The following SNTG1 variants were observed in gnomAD, a reference collection of about 807,000 sequenced individuals.
SNTG1 encodes gamma-1-syntrophin.
Under a neutral mutation model 74.7 loss-of-function variants are expected in SNTG1, and 39 were observed. The observed-to-expected ratio is 0.52, with a 90% CI of 0.40 to 0.68. The LOEUF (loss-of-function observed/expected upper bound fraction) is 0.68, where lower values mean the gene tolerates loss of function less well. Ranked by LOEUF, SNTG1 falls within the 30% of genes least tolerant of loss-of-function variation. The pLI, the probability that SNTG1 is intolerant of heterozygous loss-of-function variation, is 0.00. For synonymous variants in SNTG1, 254 were observed against 217.1 expected (o/e 1.17, Z -1.49); for missense variants, 685 against 609.5 (o/e 1.12, Z -1.30).
intron 1 of SNTG1, among the ~76,000 whole-genome samples, chr8:50,108,287 G>A (rs969150833): frequency 6.6e-6 from 1 of 152,160 alleles, no homozygotes; most frequent in Non-Finnish European, 1.5e-5. Flanking sequence ...GACATGCTGA[G>A]TAAAATCAAG....
chr8:50,607,029 T>A (rs926238668), intron 13 of SNTG1, among the ~76,000 whole-genome samples: 1 of 151,928 alleles, frequency 6.6e-6, no homozygotes, highest in Non-Finnish European at 1.5e-5. Context: ...GAGACATTGA[T>A]ATGCAGATTT....
intron 1 of SNTG1, among the ~76,000 whole-genome samples, chr8:50,080,980 T>A (rs950424089): frequency 6.6e-6 from 1 of 152,160 alleles, no homozygotes; most frequent in African/African-American, 2.4e-5. Flanking sequence ...TTTGTGCTAA[T>A]ATTGTCATAT....
At chr8:50,325,561 C>T (rs553779952) in intron 2 of SNTG1, among the ~76,000 whole-genome samples, 1 of 152,132 alleles carries the variant, frequency 6.6e-6, no homozygotes, top group Non-Finnish European at 1.5e-5. Context: ...TATATATTAA[C>T]TTCATATCCT....
At chr8:50,402,478 A>G in intron 4 of SNTG1, 134 bp downstream of exon 4, 1 of 1,093,300 alleles carries the variant, frequency 9.1e-7, no homozygotes, top group South Asian at 1.6e-5. Context: ...TTTTGCTTAC[A>G]TCATTAAGTA....
Position 50,359,868 on chromosome 8 carries a change from C to G in SNTG1, c.-27-34344C>G, listed in dbSNP as rs2091912786. Among the ~76,000 whole-genome samples, 2 of 152,120 alleles carry G rather than the reference C, an allele frequency of 1.3e-5. 1 individual carries two copies. Among genetic ancestry groups the G allele is most frequent in the South Asian group, 4.1e-4 (2 of 4,828 alleles). On this transcript the variant is annotated intron_variant, in intron 2 of 18. Coordinates refer to ENST00000642720, the MANE Select transcript of SNTG1 (RefSeq NM_018967.5). ...ACATTTAAGCTTCTAGTTTTCCATT[C>G]TCTTTTTATTTTTTCACTGTGATGC...
chr8:50,464,569 A>G (rs2131703773), intron 8 of SNTG1, among the ~76,000 whole-genome samples: 1 of 152,222 alleles, frequency 6.6e-6, no homozygotes, highest in East Asian at 1.9e-4. Flanking sequence ...GCTGCCTTAT[A>G]CAGGTGTGAT....
At chr8:50,627,861 C>G (rs1268237213) in intron 13 of SNTG1, among the ~76,000 whole-genome samples, 3 of 152,154 alleles carry the variant, frequency 2.0e-5, no homozygotes, top group Non-Finnish European at 1.5e-5. Context: ...TATCTGGAAG[C>G]CTTTATGAAG....
At chr8:49,964,983 G>A (rs1404195004) in intron 1 of SNTG1, among the ~76,000 whole-genome samples, 2 of 152,108 alleles carry the variant, frequency 1.3e-5, no homozygotes, top group Non-Finnish European at 2.9e-5. Context: ...AGTTATTAAG[G>A]CAAGTTAAAA....
intron 2 of SNTG1, among the ~76,000 whole-genome samples, chr8:50,277,301 A>C (rs1200006592): frequency 1.3e-5 from 2 of 151,626 alleles, no homozygotes; most frequent in Non-Finnish European, 2.9e-5. Flanking sequence ...TGTCTTTCAC[A>C]GAACATCTAA....
chr8:50,155,101 G>A (rs1324351623), intron 1 of SNTG1, among the ~76,000 whole-genome samples: 1 of 152,100 alleles, frequency 6.6e-6, no homozygotes, highest in Non-Finnish European at 1.5e-5. Flanking sequence ...TTTTACTTGA[G>A]ATCAATTAAT....
At chr8:50,067,703 C>T (rs1470452602) in intron 1 of SNTG1, among the ~76,000 whole-genome samples, 1 of 152,170 alleles carries the variant, frequency 6.6e-6, no homozygotes, top group Non-Finnish European at 1.5e-5. Flanking sequence ...TGAGGATCCA[C>T]ACCCTGATTT....
At chr8:50,294,812 C>T (rs543989304) in intron 2 of SNTG1, among the ~76,000 whole-genome samples, 1 of 152,336 alleles carries the variant, frequency 6.6e-6, no homozygotes, top group East Asian at 1.9e-4. Context: ...TACTTCTCCT[C>T]TACATTTTCT....
At chr8:50,588,114 C>T (rs1359494981) in intron 12 of SNTG1, among the ~76,000 whole-genome samples, 6 of 147,084 alleles carry the variant, frequency 4.1e-5, no homozygotes, top group South Asian at 2.1e-4. Context: ...AATGAGACTC[C>T]GACTCAAAAA....
intron 10 of SNTG1, among the ~76,000 whole-genome samples, chr8:50,535,594 A>G (rs1332528512): frequency 1.3e-5 from 2 of 152,192 alleles, no homozygotes; most frequent in African/African-American, 4.8e-5. Context: ...TAGCCAGTCC[A>G]CACTTCCAGG....
At chr8:50,091,172 A>T (rs938024325) in intron 1 of SNTG1, among the ~76,000 whole-genome samples, 2 of 151,948 alleles carry the variant, frequency 1.3e-5, no homozygotes, top group Non-Finnish European at 2.9e-5. Flanking sequence ...CTTTTTTCTT[A>T]TTTATATTTA....
chr8:50,375,854 GGGGA>G (rs886316734), intron 2 of SNTG1, among the ~76,000 whole-genome samples: 1 of 152,164 alleles, frequency 6.6e-6, no homozygotes, highest in African/African-American at 2.4e-5. Context: ...AGCTCTGCAA[GGGGA>G]GACTTTGAGC....
intron 4 of SNTG1, among the ~76,000 whole-genome samples, chr8:50,430,514 T>A (rs997609949): frequency 4.6e-5 from 7 of 152,194 alleles, no homozygotes; most frequent in Non-Finnish European, 8.8e-5. Context: ...AGTATTAGGA[T>A]TGTTAACCTG....
At chr8:50,527,307 T>C (rs1223552691) in intron 9 of SNTG1, among the ~76,000 whole-genome samples, 4 of 152,158 alleles carry the variant, frequency 2.6e-5, no homozygotes, top group African/African-American at 9.6e-5. Context: ...CATTTTTCAC[T>C]TGAGGTTGTC....
intron 11 of SNTG1, among the ~76,000 whole-genome samples, chr8:50,541,243 C>CTGTGTGTGTGTGTGTGTGTG (rs200129335): frequency 4.2e-5 from 6 of 142,964 alleles, no homozygotes; most frequent in African/African-American, 1.6e-4. Flanking sequence ...AAGATTTTAC[C>CTGTGTGTGTGTGTGTGTGTG]TGTGTGTGTG....
Sources: allele counts gnomAD v4.1 joint callset (sites outside exome capture counted in the v4.1 genomes callset), GRCh38; gene constraint gnomAD v4.1.1; transcripts MANE v1.5; gene names NCBI Gene and HGNC (gene_info 2026-07-23, HGNC 2026-07-21).